Variants in NACC2 observed in about 807,000 individuals in gnomAD.
NACC2 encodes nucleus accumbens-associated protein 2.
NACC2 carries 8 observed loss-of-function variants against 25.1 expected under a neutral mutation model. That is an observed-to-expected ratio of 0.32 (90% confidence interval 0.19 to 0.57). The LOEUF is 0.57. Ranked by LOEUF, NACC2 falls within the 20% of genes least tolerant of loss-of-function variation. The pLI, the probability that NACC2 is intolerant of heterozygous loss-of-function variation, is 0.89. For synonymous variants in NACC2, 435 were observed against 294.7 expected (o/e 1.48, Z -4.88); for missense variants, 644 against 650.2 (o/e 0.99, Z 0.10).
chr9:136,094,010 A>C (rs979729334), intron 1 of NACC2, among the ~76,000 whole-genome samples: 30 of 152,324 alleles, frequency 2.0e-4, no homozygotes, highest in African/African-American at 7.0e-4. Context: ...AGGGACACGG[A>C]CTCTGGCAGG....
At chr9:136,024,311 GTT>G (rs1289212631) in intron 2 of NACC2, among the ~76,000 whole-genome samples, 1 of 143,142 alleles carries the variant, frequency 7.0e-6, no homozygotes, top group African/African-American at 2.6e-5. Flanking sequence ...AGGACAGAGG[GTT>G]TGTGTGAGGA....
Position 136,032,382 on chromosome 9 carries a change from GA to G in NACC2, c.887-15954del, listed in dbSNP as rs375385645. ...TTTGTTACAATGCAACACTTACGAG[GA>G]AAAAAAAAACCCTCTTAACCTAGGA... On this transcript the variant is annotated intron_variant, in intron 2 of 5. Coordinates refer to ENST00000277554, the MANE Select transcript of NACC2 (RefSeq NM_144653.5). Among the ~76,000 whole-genome samples the G allele has an allele frequency of 5.4e-3, 778 of 144,286 alleles. 5 individuals carry two copies. The highest frequency in any genetic ancestry group is 0.02 in the African/African-American group (739 of 37,478). 94.7% of individuals were successfully genotyped at this position (144,286 alleles called of 152,430 possible). A position where few individuals can be genotyped will look rare whatever the true frequency, so the allele number is the denominator to read the frequency against.
intron 1 of NACC2, among the ~76,000 whole-genome samples, chr9:136,072,090 T>C (rs1379986627): frequency 6.6e-6 from 1 of 150,638 alleles, no homozygotes; most frequent in Non-Finnish European, 1.5e-5. Context: ...ATATAAAAAT[T>C]AGCTGGGCAT....
chr9:136,047,781 G>A (rs1304467068), intron 2 of NACC2, among the ~76,000 whole-genome samples: 1 of 152,192 alleles, frequency 6.6e-6, no homozygotes, highest in Admixed American at 6.5e-5. Flanking sequence ...ATCAAGGCAG[G>A]TGGGCGTGAG....
At chr9:136,027,742 A>G (rs1450689928) in intron 2 of NACC2, among the ~76,000 whole-genome samples, 1 of 152,230 alleles carries the variant, frequency 6.6e-6, no homozygotes, top group Non-Finnish European at 1.5e-5. Flanking sequence ...ATAGAGCCCT[A>G]AGTGCTTTAC....
Position 136,050,595 on chromosome 9 carries a change from A to G in NACC2, c.-59-15T>C. ...GCGGGGCTCATCTGTGGGGGGCAGG[A>G]GGCACGTGGTCAGTTCCTCCAGGTC... On this transcript the variant is annotated splice_polypyrimidine_tract_variant and intron_variant, in intron 1 of 5. Transcript: ENST00000277554. 3 of 708,786 alleles carry G rather than the reference A, an allele frequency of 4.2e-6. No homozygotes were observed. The highest frequency in any genetic ancestry group is 7.7e-6 in the Non-Finnish European group (3 of 390,280). 43.9% of individuals were successfully genotyped at this position (708,786 alleles called of 1,614,324 possible).
At chr9:136,014,012 C>A (rs1840156224) in intron 3 of NACC2, 43 bp from the exon 4 acceptor site, 1 of 1,479,056 alleles carries the variant, frequency 6.8e-7, no homozygotes, top group South Asian at 1.2e-5. Context: ...CCTTCCCGGG[C>A]CATAGGGTCC....
At chr9:136,052,329 G>A (rs1015489361) in intron 1 of NACC2, among the ~76,000 whole-genome samples, 2 of 152,178 alleles carry the variant, frequency 1.3e-5, no homozygotes, top group African/African-American at 2.4e-5. Flanking sequence ...ACTGCCTCCC[G>A]GCCTTCCAGG....
chr9:136,034,818 G>A (rs528274587), intron 2 of NACC2, among the ~76,000 whole-genome samples: 1 of 152,290 alleles, frequency 6.6e-6, no homozygotes, highest in South Asian at 2.1e-4. Context: ...TGGGGGCCAG[G>A]CACAGTGGCT....
chr9:136,028,921 G>T (rs775911054), intron 2 of NACC2, among the ~76,000 whole-genome samples: 9 of 152,240 alleles, frequency 5.9e-5, no homozygotes, highest in South Asian at 2.1e-4. Context: ...GGCCCCTGCC[G>T]CCTTGGCCCC....
At chr9:136,067,726 G>A (rs920841677) in intron 1 of NACC2, among the ~76,000 whole-genome samples, 2 of 151,966 alleles carry the variant, frequency 1.3e-5, no homozygotes, top group East Asian at 1.9e-4. Flanking sequence ...TCCCAGCTAC[G>A]TGGAAGGCTG....
At chr9:136,026,394 C>T (rs981549551) in intron 2 of NACC2, among the ~76,000 whole-genome samples, 1 of 125,132 alleles carries the variant, frequency 8.0e-6, no homozygotes, top group Non-Finnish European at 1.8e-5. Context: ...ATACAGAAAA[C>T]AGAATAAAAG....
chr9:136,019,677 G>T lies in NACC2; in HGVS notation c.887-3248C>A, dbSNP rs896416321. ...GAGCAGCAGCCTCCCGGGCAGCAGG[G>T]CCCAGCTACTGAGGGTAGGCAGGTG... On this transcript the variant is annotated intron_variant, in intron 2 of 5. Transcript: ENST00000277554. This position sits in a 1 kb window ranked among gnomAD's most constrained non-coding sequence, Gnocchi z 5.2. Among the ~76,000 whole-genome samples the T allele has an allele frequency of 6.6e-6, 1 of 152,190 alleles. No homozygotes were observed. Among genetic ancestry groups the T allele is most frequent in the African/African-American group, 2.4e-5 (1 of 41,448 alleles).
At chr9:136,043,699 TC>T (rs1333613592) in intron 2 of NACC2, among the ~76,000 whole-genome samples, 1 of 152,254 alleles carries the variant, frequency 6.6e-6, no homozygotes. Flanking sequence ...GGTAGACGAC[TC>T]TGTGCAAAGA....
intron 1 of NACC2, among the ~76,000 whole-genome samples, chr9:136,063,901 A>C (rs375916395): frequency 0.016 from 2,406 of 150,054 alleles, 74 homozygotes; most frequent in African/African-American, 0.055. Flanking sequence ...AAAAAAACAA[A>C]AAAAACAAAA....
chr9:136,011,517 T>C lies in NACC2; in HGVS notation c.1763A>G (p.Ter588=). The part of the protein sequence containing the change: ...RPEGTYAGTL[*] ...CCTCGCGCAGCCACCCAGCTCCGCT[T>C]ACAAGGTCCCTGCATAGGTGCCCTC... Residue 588 remains the stop codon, a stop_retained_variant, in exon 6 of 6, where the codon TAA becomes TGA. Transcript: ENST00000277554. 1.4e-6 allele frequency: 2 copies of C among 1,382,928 alleles called. No individual in the cohort carries two copies. Among genetic ancestry groups the C allele is most frequent in the South Asian group, 1.8e-5 (1 of 54,388 alleles). The allele number at this position is 1,382,928 out of a possible 1,614,324, so 85.7% of individuals were successfully genotyped here. A position where few individuals can be genotyped will look rare whatever the true frequency, so the allele number is the denominator to read the frequency against.
In NACC2 at chr9:136,071,244, AT is replaced by A. The variant is rs562213736; in HGVS notation, c.-59-20665del. On this transcript the variant is annotated intron_variant, in intron 1 of 5. Coordinates refer to ENST00000277554, the MANE Select transcript of NACC2 (RefSeq NM_144653.5). ...AGAGCAAGACTACGTCTCAAAAAAA[AT>A]AAAGTAAAATTTAAAAAGGCTGGGC... Among the ~76,000 whole-genome samples, 13 of 151,588 alleles carry A rather than the reference AT, an allele frequency of 8.6e-5. No homozygotes were observed. In the South Asian group the frequency reaches 2.1e-3, roughly 24 times the overall value.
At chr9:136,065,180 G>A (rs750846436) in intron 1 of NACC2, among the ~76,000 whole-genome samples, 1 of 152,172 alleles carries the variant, frequency 6.6e-6, no homozygotes, top group Non-Finnish European at 1.5e-5. Flanking sequence ...AAAGAGCAAA[G>A]CAACAAAAGG....
chr9:136,085,639 G>C (rs867891723), intron 1 of NACC2, among the ~76,000 whole-genome samples: 3 of 152,218 alleles, frequency 2.0e-5, no homozygotes, highest in African/African-American at 7.2e-5. Context: ...CAGGCGGGTG[G>C]CGGGCAGCCC....
Sources: gnomAD v4.1 joint callset for allele counts (sites outside exome capture counted in the v4.1 genomes callset) on GRCh38, gnomAD v4.1.1 for gene constraint, Gnocchi (gnomAD v3.1) non-coding constraint, MANE v1.5 for transcripts, NCBI Gene and HGNC (gene_info 2026-07-23, HGNC 2026-07-21) for gene names.